The following CFAP299 variants were observed in gnomAD, a reference collection of about 807,000 sequenced individuals.
CFAP299 encodes the protein cilia- and flagella-associated protein 299.
CFAP299 carries 21 observed loss-of-function variants against 27.0 expected under a neutral mutation model. The ratio of observed to expected loss-of-function variants is 0.78; its 90% CI spans 0.55 to 1.12. The LOEUF (loss-of-function observed/expected upper bound fraction) is 1.12, where lower values mean the gene tolerates loss of function less well. Among genes scored for constraint, CFAP299 ranks in the 50% most tolerant of loss-of-function variants. The pLI is 0.00. For synonymous variants in CFAP299, 104 were observed against 98.1 expected (o/e 1.06, Z -0.36); for missense variants, 310 against 276.6 (o/e 1.12, Z -0.86).
At chr4:80,362,944 CA>C in intron 2 of CFAP299, 60 bp downstream of exon 2, 1 of 1,508,176 alleles carries the variant, frequency 6.6e-7, no homozygotes, top group Non-Finnish European at 8.9e-7. Context: ...TGGAGTAATT[CA>C]ATTTCGTTTG....
rs995332098 is a variant in CFAP299 at position 80,526,890 on chromosome 4, G to T, written c.243-56203G>T. Among the ~76,000 whole-genome samples the T allele has an allele frequency of 2.6e-5, 4 of 152,068 alleles. No homozygotes were observed. The East Asian group carries it at 7.7e-4, about 29-fold the overall frequency. ...TACATATGTAAGGTTTTATTTTAGG[G>T]TGTTACAACAAATTACGCAACAAAT... On this transcript the variant is annotated intron_variant, in intron 2 of 5. Transcript: ENST00000358105.
chr4:80,560,779 G>T (rs563060258), intron 2 of CFAP299, among the ~76,000 whole-genome samples: 1 of 152,172 alleles, frequency 6.6e-6, no homozygotes, highest in East Asian at 1.9e-4. Context: ...TGGTCTGAGT[G>T]CCAGCTCAGC....
At chr4:80,692,900 G>A (rs34326389) in intron 3 of CFAP299, among the ~76,000 whole-genome samples, 134,514 of 151,720 alleles carry the variant, frequency 0.89, 60,123 homozygotes, top group East Asian at 1. Context: ...ATGAACAGAC[G>A]CTTCTCAAAA....
At chr4:80,433,172 A>G (rs1727908659) in intron 2 of CFAP299, among the ~76,000 whole-genome samples, 1 of 152,152 alleles carries the variant, frequency 6.6e-6, no homozygotes, top group South Asian at 2.1e-4. Context: ...CAGAGGAAAA[A>G]AAAAGATTCA....
chr4:80,556,446 C>T (rs762405293), intron 2 of CFAP299, among the ~76,000 whole-genome samples: 8 of 151,876 alleles, frequency 5.3e-5, no homozygotes, highest in Non-Finnish European at 1.2e-4. Context: ...TATATTAAGA[C>T]GTGTAAGAAC....
chr4:80,672,380 T>C (rs1741535350), intron 3 of CFAP299, among the ~76,000 whole-genome samples: 1 of 152,196 alleles, frequency 6.6e-6, no homozygotes, highest in Admixed American at 6.5e-5. Flanking sequence ...GATAAGGTTT[T>C]TGATGTGCTG....
chr4:80,773,511 G>A (rs1726343711), intron 3 of CFAP299, among the ~76,000 whole-genome samples: 1 of 152,090 alleles, frequency 6.6e-6, no homozygotes, highest in Admixed American at 6.6e-5. Flanking sequence ...CCCATCTGAT[G>A]TCTGCAGTCC....
At chr4:80,556,033 A>G (rs1192766816) in intron 2 of CFAP299, among the ~76,000 whole-genome samples, 2 of 152,110 alleles carry the variant, frequency 1.3e-5, no homozygotes, top group African/African-American at 4.8e-5. Flanking sequence ...AAATGAAAAC[A>G]ATCAGCAACA....
At chr4:80,572,973 T>G (rs959614753) in intron 2 of CFAP299, among the ~76,000 whole-genome samples, 1 of 152,100 alleles carries the variant, frequency 6.6e-6, no homozygotes, top group Non-Finnish European at 1.5e-5. Context: ...ATACTTCGTT[T>G]TGGGTATAGG....
At chr4:80,353,360 C>T (rs958226494) in intron 1 of CFAP299, among the ~76,000 whole-genome samples, 3 of 152,212 alleles carry the variant, frequency 2.0e-5, no homozygotes, top group African/African-American at 7.2e-5. Context: ...GCTTTCTTCA[C>T]CCCTGTGGGA....
At chr4:80,649,838 A>G (rs1026201021) in intron 3 of CFAP299, among the ~76,000 whole-genome samples, 3 of 152,126 alleles carry the variant, frequency 2.0e-5, no homozygotes, top group Non-Finnish European at 2.9e-5. Flanking sequence ...AATTGTTGTC[A>G]TGTTTCAGTT....
chr4:80,398,486 A>G (rs1370373035), intron 2 of CFAP299, among the ~76,000 whole-genome samples: 1 of 152,210 alleles, frequency 6.6e-6, no homozygotes, highest in Non-Finnish European at 1.5e-5. Context: ...TGGTACCAAA[A>G]CAGATATATA....
At chr4:80,937,475 C>A (rs1465879184) in intron 4 of CFAP299, among the ~76,000 whole-genome samples, 3 of 151,578 alleles carry the variant, frequency 2.0e-5, no homozygotes, top group African/African-American at 7.3e-5. Context: ...CACCACCATG[C>A]CTGGCTAATG....
chr4:80,437,493 G>A (rs183786153), intron 2 of CFAP299, among the ~76,000 whole-genome samples: 2 of 152,286 alleles, frequency 1.3e-5, no homozygotes, highest in East Asian at 3.9e-4. Context: ...AAGGGAACAC[G>A]ATGGAGGCGA....
chr4:80,386,396 A>C, intron 2 of CFAP299: 1 of 1,533,632 alleles, frequency 6.5e-7, no homozygotes, highest in Non-Finnish European at 8.8e-7. Flanking sequence ...CGGGCACCAG[A>C]CCAGCCCCTG....
chr4:80,904,655 T>G (rs1156642226), intron 4 of CFAP299, among the ~76,000 whole-genome samples: 2 of 152,172 alleles, frequency 1.3e-5, no homozygotes, highest in Middle Eastern at 3.2e-3. Flanking sequence ...ATGTTTCTTA[T>G]AGGCTGTAGG....
chr4:80,891,894 A>C (rs1734325334), intron 4 of CFAP299, among the ~76,000 whole-genome samples: 1 of 149,068 alleles, frequency 6.7e-6, no homozygotes, highest in South Asian at 2.1e-4. Context: ...TTTTATGTTC[A>C]TGATTGGAAG....
chr4:80,908,684 G>C (rs756126665), intron 4 of CFAP299, among the ~76,000 whole-genome samples: 1 of 152,034 alleles, frequency 6.6e-6, no homozygotes, highest in Non-Finnish European at 1.5e-5. Context: ...ATTGTTATTG[G>C]TGAACCACAC....
intron 4 of CFAP299, chr4:80,872,606 A>G (rs1477639519): frequency 6.6e-6 from 1 of 152,146 alleles, no homozygotes; most frequent in Non-Finnish European, 1.5e-5. Context: ...TGCATAAGTG[A>G]TCTGGTTATC....
Sources: allele counts gnomAD v4.1 joint callset (sites outside exome capture counted in the v4.1 genomes callset), GRCh38; gene constraint gnomAD v4.1.1; transcripts MANE v1.5; gene names NCBI Gene and HGNC (gene_info 2026-07-23, HGNC 2026-07-21).